GPR17: variants seen among roughly 807,000 people sequenced by gnomAD.
GPR17 encodes uracil nucleotide/cysteinyl leukotriene receptor.
Under a neutral mutation model 1.5 loss-of-function variants are expected in GPR17, and 4 were observed. The ratio of observed to expected loss-of-function variants is 2.73; its 90% CI spans 1.35 to 6.25. The LOEUF (loss-of-function observed/expected upper bound fraction) is 6.25, where lower values mean the gene tolerates loss of function less well. GPR17 is among the 30% of genes most tolerant of loss of function. The pLI, the probability that GPR17 is intolerant of heterozygous loss-of-function variation, is 0.00. For missense variants in GPR17, 463 were observed against 462.1 expected, an observed-to-expected ratio of 1.00 and a Z score of -0.02; for synonymous variants, 209 against 207.6, an observed-to-expected ratio of 1.01 and a Z score of -0.06.
Position 127,651,566 on chromosome 2 carries a change from G to T in GPR17, c.831G>T (p.Leu277=). Residue 277 remains leucine (L), a synonymous_variant, in exon 2 of 2, where the codon CTG becomes CTT. Transcript: ENST00000486700. ...ASCATQRILA[L]ANRITSCLTS... is the part of the protein sequence containing the mutation. ...GCGCCACCCAGCGCATCCTGGCCCT[G>T]GCAAACCGCATCACCTCCTGCCTCA... is the stretch of plus-strand genomic sequence containing the variant. The T allele has an allele frequency of 6.2e-7, 1 of 1,612,688 alleles. No homozygotes were observed. The highest frequency in any genetic ancestry group is 8.5e-7 in the Non-Finnish European group (1 of 1,180,040).
intron 1 of GPR17, chr2:127,649,863 GTC>G: frequency 2.9e-6 from 2 of 678,756 alleles, no homozygotes; most frequent in East Asian, 2.8e-5. Context: ...GCTGGCCAGT[GTC>G]TCTGACGCTG....
Position 127,652,060 on chromosome 2 carries a change from T to C in GPR17, c.*305T>C. The C allele has an allele frequency of 2.6e-6, 1 of 378,170 alleles. No individual in the cohort carries two copies. 23.4% of individuals were successfully genotyped at this position (378,170 alleles called of 1,614,324 possible). A position where few individuals can be genotyped will look rare whatever the true frequency, so the allele number is the denominator to read the frequency against. ...CCCCTGAACAATGGAGGCCTTTCTT[T>C]CCCGCTAGGCTCCCAGCCTCCTTCC... On this transcript the variant is annotated 3_prime_UTR_variant, in exon 2 of 2. Coordinates refer to ENST00000486700, the MANE Select transcript of GPR17 (RefSeq NM_001161417.2).
At position 127,647,561 on chromosome 2, in the gene GPR17, C is replaced by T. The variant is rs1330449105; in HGVS notation, c.-21+1317C>T. Among the ~76,000 whole-genome samples the T allele has an allele frequency of 6.6e-6, 1 of 152,138 alleles. No homozygotes were observed. The highest frequency in any genetic ancestry group is 2.4e-5 in the African/African-American group (1 of 41,434). On this transcript the variant is annotated intron_variant, in intron 1 of 1. Coordinates refer to ENST00000486700, the MANE Select transcript of GPR17 (RefSeq NM_001161417.2). This position sits in a 1 kb window ranked among gnomAD's most constrained non-coding sequence, Gnocchi z 4.3. ...GTGATGCCTGCACTGTGGGGCACAG[C>T]ACAGGCCTGAGGGACAGCCTGGGGT...
rs1192450575 is a variant in GPR17, at chr2:127,650,846, C to T, written c.111C>T (p.Phe37=). The part of the protein sequence containing the change: ...TPLENMLFAS[F]YLLDFILALV... ...TGGAGAACATGCTGTTCGCCTCCTTCTACCTTCTGGATTTTATCCTGGCTT... is the reference window on the plus strand; with the variant it reads ...TGGAGAACATGCTGTTCGCCTCCTTTTACCTTCTGGATTTTATCCTGGCTT... The change falls in exon 2 of 2, where the codon TTC becomes TTT. Residue 37 remains phenylalanine, a synonymous_variant. Transcript: ENST00000486700. 1 of 1,614,166 alleles carries T rather than the reference C, an allele frequency of 6.2e-7. No individual in the cohort carries two copies. Among genetic ancestry groups the T allele is most frequent in the East Asian group, 2.2e-5 (1 of 44,884 alleles).
At chr2:127,648,972 GGGGA>G (rs1683314971) in intron 1 of GPR17, among the ~76,000 whole-genome samples, 9 of 25,194 alleles carry the variant, frequency 3.6e-4, no homozygotes, top group Non-Finnish European at 5.9e-4. Flanking sequence ...GAGGGGGGGA[GGGGA>G]GGGAGGGGAG....
intron 1 of GPR17, chr2:127,648,330 T>G: frequency 2.7e-6 from 1 of 369,784 alleles, no homozygotes. Context: ...GTAATATTAT[T>G]AGGTAGTTGC....
chr2:127,651,958 G>T lies in GPR17; in HGVS notation c.*203G>T. 1.6e-6 allele frequency: 1 copy of T among 614,772 alleles called. No homozygotes were observed. The highest frequency in any genetic ancestry group is 2.9e-6 in the Non-Finnish European group (1 of 339,876). The allele number at this position is 614,772 out of a possible 1,614,324, so 38.1% of individuals were successfully genotyped here. ...ATCCATCGGCCACCCCTCTGCAGGGGCTTGTGATGGCTACAATGGCTCCTA... is the reference window on the plus strand; with the variant it reads ...ATCCATCGGCCACCCCTCTGCAGGGTCTTGTGATGGCTACAATGGCTCCTA... On this transcript the variant is annotated 3_prime_UTR_variant, in exon 2 of 2. Transcript: ENST00000486700.
chr2:127,649,930 A>G, intron 1 of GPR17: 2 of 1,185,776 alleles, frequency 1.7e-6, no homozygotes, highest in Non-Finnish European at 2.4e-6. Context: ...TGGTGGATCT[A>G]CTCTGGGAGA....
chr2:127,651,749 G>T lies in GPR17; in HGVS notation c.1014G>T (p.Glu338Asp). The change falls in exon 2 of 2, where the codon GAG becomes GAT. Residue 338 changes from glutamate to aspartate, a missense_variant. Transcript: ENST00000486700. ...TNESSLSAKS[E>D]L ...AGAGCTCGCTGAGTGCCAAGTCAGA[G>T]CTGTGAGCGGGGGGCGCCGTCCAGG... 1 of 1,611,214 alleles carries T rather than the reference G, an allele frequency of 6.2e-7. No individual in the cohort carries two copies. Among genetic ancestry groups the T allele is most frequent in the Non-Finnish European group, 8.5e-7 (1 of 1,178,662 alleles).
At chr2:127,648,994 A>G (rs1326322245) in intron 1 of GPR17, among the ~76,000 whole-genome samples, 2 of 16,126 alleles carry the variant, frequency 1.2e-4, no homozygotes, top group Non-Finnish European at 2.4e-4. Flanking sequence ...GAGGGGAGGG[A>G]GGGGAGGGGA....
chr2:127,649,094 AAAAGAAAAGAAAAAAGGAAAAT>A (rs1558878007), intron 1 of GPR17, among the ~76,000 whole-genome samples: 2 of 144,748 alleles, frequency 1.4e-5, no homozygotes, highest in African/African-American at 5.0e-5. Context: ...AAAAAAAGAA[AAAAGAAAAGAAAAAAGGAAAAT>A]AAAGAAAAGC....
chr2:127,648,918 A>G (rs1327559185), intron 1 of GPR17, among the ~76,000 whole-genome samples: 1 of 127,160 alleles, frequency 7.9e-6, no homozygotes, highest in Non-Finnish European at 1.6e-5. Flanking sequence ...GACCTTGAAA[A>G]AGAGAAAGAA....
At chr2:127,650,194 C>T in intron 1 of GPR17, 1 of 898,756 alleles carries the variant, frequency 1.1e-6, no homozygotes. Context: ...GCGGTGACAC[C>T]CCGGCCACTG....
intron 1 of GPR17, among the ~76,000 whole-genome samples, chr2:127,648,548 A>T (rs1364696106): frequency 6.6e-6 from 1 of 152,128 alleles, no homozygotes; most frequent in Admixed American, 6.5e-5. Context: ...GTCCATGAAC[A>T]GTCACCATGC....
intron 1 of GPR17, 77 bp downstream of exon 1, chr2:127,646,321 A>G (rs1461423768): frequency 1.3e-5 from 2 of 152,286 alleles, no homozygotes; most frequent in African/African-American, 4.8e-5. Context: ...AGCCCTGCCC[A>G]GGGAGACAGG....
chr2:127,650,319 C>G, intron 1 of GPR17: 1 of 564,088 alleles, frequency 1.8e-6, no homozygotes, highest in South Asian at 2.1e-5. Flanking sequence ...GCCCCCGCCC[C>G]TCACCACCCC....
At chr2:127,646,305 G>A (rs1486532674) in intron 1 of GPR17, 61 bp downstream of exon 1, 1 of 152,300 alleles carries the variant, frequency 6.6e-6, no homozygotes, top group Non-Finnish European at 1.5e-5. Context: ...GAAACACTCA[G>A]CGGGGAGCCC....
In GPR17 at chr2:127,651,891, C is replaced by T. The variant is rs1172058007; in HGVS notation, c.*136C>T. On this transcript the variant is annotated 3_prime_UTR_variant, in exon 2 of 2. Transcript: ENST00000486700. Reference sequence around the variant, plus strand: ...GCAGATGCCCACCATTTCTCTAGATCGCCTAGTCTCAACCCATAAAAAGGA... The same window carrying T: ...GCAGATGCCCACCATTTCTCTAGATTGCCTAGTCTCAACCCATAAAAAGGA... 5 of 794,692 alleles carry T rather than the reference C, an allele frequency of 6.3e-6. No homozygotes were observed. Among genetic ancestry groups the T allele is most frequent in the Non-Finnish European group, 8.1e-6 (4 of 495,892 alleles). 49.2% of individuals were successfully genotyped at this position (794,692 alleles called of 1,614,324 possible).
chr2:127,651,760 G>A lies in GPR17; in HGVS notation c.*5G>A, dbSNP rs1467505537. 1 of 1,610,060 alleles carries A rather than the reference G, an allele frequency of 6.2e-7. No homozygotes were observed. The highest frequency in any genetic ancestry group is 1.1e-5 in the South Asian group (1 of 90,930). On this transcript the variant is annotated 3_prime_UTR_variant, in exon 2 of 2. Coordinates refer to ENST00000486700, the MANE Select transcript of GPR17 (RefSeq NM_001161417.2). ...AGTGCCAAGTCAGAGCTGTGAGCGG[G>A]GGGCGCCGTCCAGGCCGAGCGCAGA...
Sources: gnomAD v4.1 joint callset for allele counts (sites outside exome capture counted in the v4.1 genomes callset) on GRCh38, gnomAD v4.1.1 for gene constraint, Gnocchi (gnomAD v3.1) non-coding constraint, MANE v1.5 for transcripts, NCBI Gene and HGNC (gene_info 2026-07-23, HGNC 2026-07-21) for gene names.